The following PTPRD variants were observed in gnomAD, a reference collection of about 807,000 sequenced individuals.
PTPRD encodes receptor-type tyrosine-protein phosphatase delta.
A neutral mutation model predicts 214.5 loss-of-function variants in PTPRD; 34 were observed. The ratio of observed to expected loss-of-function variants is 0.16; its 90% CI spans 0.12 to 0.21. The LOEUF (loss-of-function observed/expected upper bound fraction) is 0.21. Among genes scored for constraint, PTPRD ranks in the 10% least tolerant of loss-of-function variants. PTPRD has a pLI of 1.00. For synonymous variants in PTPRD, 1,128 were observed against 845.7 expected (o/e 1.33, Z -5.79); for missense variants, 2,545 against 2,398.7 (o/e 1.06, Z -1.27).
chr9:8,933,415 T>C (rs951881220), intron 11 of PTPRD, among the ~76,000 whole-genome samples: 3 of 147,880 alleles, frequency 2.0e-5, no homozygotes, highest in Non-Finnish European at 4.5e-5. Flanking sequence ...CCCTTTCTTA[T>C]ACCAAGTTTA....
rs757591811 is a variant in PTPRD, at chr9:9,923,118, TGG to T, written c.-368+15387_-368+15388del. Among the ~76,000 whole-genome samples, 916 of 147,776 alleles carry T rather than the reference TGG, an allele frequency of 6.2e-3. 3 individuals are homozygous for T. The highest frequency in any genetic ancestry group is 0.011 in the South Asian group (50 of 4,684). The stretch of plus-strand genomic sequence containing the variant: ...AAGGAAAAAAAAAGGACTGTGTGTG[TGG>T]GGGGTGTGTGTGTGTGTGTGTGTGT... On this transcript the variant is annotated intron_variant, in intron 5 of 45. Transcript: ENST00000381196.
intron 9 of PTPRD, among the ~76,000 whole-genome samples, chr9:9,342,921 C>T (rs2047384056): frequency 6.6e-6 from 1 of 151,964 alleles, no homozygotes. Flanking sequence ...TGTGATGTTC[C>T]CTTCCCTGTT....
rs118181344 is a variant in PTPRD at position 8,906,760 on chromosome 9, G to C, written c.-104+111937C>G. 2.6e-3 allele frequency among the ~76,000 whole-genome samples: 401 copies of C among 152,016 alleles called. 15 individuals carry two copies. In the East Asian group the frequency reaches 0.056, roughly 21 times the overall value. On this transcript the variant is annotated intron_variant, in intron 11 of 45. Transcript: ENST00000381196. Reference sequence around the variant, plus strand: ...AGCTCTCCCAACAGCAGCTCTCTTAGCCTAAATTGTGGTCTTTTCGGCAGA... The same window carrying C: ...AGCTCTCCCAACAGCAGCTCTCTTACCCTAAATTGTGGTCTTTTCGGCAGA...
At chr9:9,851,664 C>T (rs150426184) in intron 5 of PTPRD, among the ~76,000 whole-genome samples, 43 of 152,138 alleles carry the variant, frequency 2.8e-4, no homozygotes, top group African/African-American at 1.0e-3. Flanking sequence ...CCTATAGTCC[C>T]CATTATGTGG....
chr9:10,425,778 G>A (rs1199490500), intron 2 of PTPRD, among the ~76,000 whole-genome samples: 1 of 151,860 alleles, frequency 6.6e-6, no homozygotes, highest in Non-Finnish European at 1.5e-5. Context: ...TCAAGAAGGT[G>A]TAAAAATTTT....
At chr9:10,161,836 G>A (rs1029431131) in intron 3 of PTPRD, among the ~76,000 whole-genome samples, 1 of 151,408 alleles carries the variant, frequency 6.6e-6, no homozygotes, top group African/African-American at 2.4e-5. Context: ...AAGCTGAAAT[G>A]GCTCAATAGC....
intron 36 of PTPRD, among the ~76,000 whole-genome samples, chr9:8,397,837 T>C (rs557405940): frequency 3.9e-5 from 6 of 152,316 alleles, no homozygotes; most frequent in African/African-American, 1.4e-4. Flanking sequence ...TCACAAATAA[T>C]CAAGTTATTG....
At chr9:9,087,187 A>T (rs879664833) in intron 10 of PTPRD, among the ~76,000 whole-genome samples, 1 of 152,134 alleles carries the variant, frequency 6.6e-6, no homozygotes, top group Non-Finnish European at 1.5e-5. Context: ...GTCCTCTAAA[A>T]TATTTTATTA....
intron 10 of PTPRD, among the ~76,000 whole-genome samples, chr9:9,119,536 A>AT (rs202149992): frequency 0.074 from 10,815 of 145,662 alleles, 795 homozygotes; most frequent in African/African-American, 0.19. Context: ...AGATTCTGTG[A>AT]TTTTTTTTTT....
chr9:8,874,341 T>C (rs762732759), intron 11 of PTPRD, among the ~76,000 whole-genome samples: 1 of 148,634 alleles, frequency 6.7e-6, no homozygotes, highest in African/African-American at 2.4e-5. Flanking sequence ...TCATCAAGTG[T>C]GACTACAGTT....
chr9:9,258,616 T>C (rs1409534812), intron 9 of PTPRD, among the ~76,000 whole-genome samples: 1 of 151,932 alleles, frequency 6.6e-6, no homozygotes, highest in Non-Finnish European at 1.5e-5. Flanking sequence ...AAGTATAATT[T>C]GGGGAGTTTT....
chr9:8,362,871 A>T (rs188116373), intron 39 of PTPRD, among the ~76,000 whole-genome samples: 2 of 152,324 alleles, frequency 1.3e-5, no homozygotes, highest in Admixed American at 1.3e-4. Context: ...TTCTACAATT[A>T]TCATTTTTTT....
chr9:8,885,057 G>A (rs1322073074), intron 11 of PTPRD, among the ~76,000 whole-genome samples: 2 of 152,222 alleles, frequency 1.3e-5, no homozygotes, highest in Admixed American at 6.5e-5. Context: ...TAGTGCAAGT[G>A]AAGTGCTGAT....
chr9:9,070,307 A>T (rs1468652653), intron 10 of PTPRD, among the ~76,000 whole-genome samples: 1 of 152,204 alleles, frequency 6.6e-6, no homozygotes, highest in East Asian at 1.9e-4. Context: ...GCGTCTTGTA[A>T]TTCTACAAGA....
At chr9:10,570,812 A>G (rs2067183462) in intron 2 of PTPRD, among the ~76,000 whole-genome samples, 2 of 151,528 alleles carry the variant, frequency 1.3e-5, no homozygotes, top group African/African-American at 2.4e-5. Context: ...CAAGTGCTCT[A>G]TTGGCTTACT....
chr9:8,578,376 T>C (rs905059158), intron 14 of PTPRD, among the ~76,000 whole-genome samples: 3 of 150,976 alleles, frequency 2.0e-5, no homozygotes, highest in Non-Finnish European at 4.4e-5. Context: ...CTATATATAG[T>C]CTATTTATTA....
intron 8 of PTPRD, among the ~76,000 whole-genome samples, chr9:9,486,720 G>C (rs2095653516): frequency 6.6e-6 from 1 of 152,022 alleles, no homozygotes; most frequent in Admixed American, 6.6e-5. Context: ...ATTAAATTTT[G>C]CTTCTTCCCA....
intron 11 of PTPRD, among the ~76,000 whole-genome samples, chr9:8,855,679 G>T (rs1287448242): frequency 6.6e-6 from 1 of 152,026 alleles, no homozygotes; most frequent in Non-Finnish European, 1.5e-5. Flanking sequence ...ACTTTTACAG[G>T]AGTAAAAATC....
intron 11 of PTPRD, among the ~76,000 whole-genome samples, chr9:8,848,312 CCTTTTTTTTT>C (rs1407127863): frequency 5.1e-5 from 3 of 58,332 alleles, no homozygotes; most frequent in Non-Finnish European, 9.0e-5. Flanking sequence ...TAAGATTTTT[CCTTTTTTTTT>C]TTTTTTTTTT....
Sources: allele counts gnomAD v4.1 joint callset (sites outside exome capture counted in the v4.1 genomes callset), GRCh38; gene constraint gnomAD v4.1.1; transcripts MANE v1.5; gene names NCBI Gene and HGNC (gene_info 2026-07-23, HGNC 2026-07-21).